Variants in GPATCH2 observed in about 807,000 individuals in gnomAD.
The protein encoded by GPATCH2 is G-patch domain containing 2.
GPATCH2 carries 51 observed loss-of-function variants against 58.0 expected under a neutral mutation model. That is an observed-to-expected ratio of 0.88 (90% confidence interval 0.70 to 1.11). The LOEUF (loss-of-function observed/expected upper bound fraction) is 1.11. Ranked by LOEUF, GPATCH2 falls within the 50% of genes most tolerant of loss-of-function variation. The pLI, the probability that GPATCH2 is intolerant of heterozygous loss-of-function variation, is 0.00. For synonymous variants in GPATCH2, 222 were observed against 218.5 expected (o/e 1.02, Z -0.14); for missense variants, 625 against 652.2 (o/e 0.96, Z 0.45).
In GPATCH2 at chr1:217,524,484, C is replaced by G. The variant is rs556247004; in HGVS notation, c.1099-9595G>C. Among the ~76,000 whole-genome samples, 919 of 151,440 alleles carry G rather than the reference C, an allele frequency of 6.1e-3. 21 individuals carry two copies. Among genetic ancestry groups the G allele is most frequent in the Admixed American group, 0.044 (650 of 14,866 alleles). On this transcript the variant is annotated intron_variant, in intron 5 of 9. Coordinates refer to ENST00000366935, the MANE Select transcript of GPATCH2 (RefSeq NM_018040.5). ...GGCGGCCGGGCAGAGGCTGCAATCT[C>G]GGCTCTTTAGGAGGCCAAGGCAGGC...
chr1:217,484,506 A>C (rs545047069), intron 8 of GPATCH2, among the ~76,000 whole-genome samples: 1 of 150,254 alleles, frequency 6.7e-6, no homozygotes, highest in Non-Finnish European at 1.5e-5. Context: ...CTCTGTCTCT[A>C]TAATTGTGTG....
chr1:217,555,692 A>G (rs1397153355), intron 5 of GPATCH2, among the ~76,000 whole-genome samples: 1 of 152,174 alleles, frequency 6.6e-6, no homozygotes, highest in Non-Finnish European at 1.5e-5. Context: ...AGCTGCAGAG[A>G]ATTAGACACT....
chr1:217,584,364 T>TATATATATATACACAC (rs1226981154), intron 5 of GPATCH2, among the ~76,000 whole-genome samples: 24 of 121,528 alleles, frequency 2.0e-4, no homozygotes, highest in African/African-American at 7.3e-4. Flanking sequence ...TATATATATA[T>TATATATATATACACAC]ACACACACAC....
intron 7 of GPATCH2, chr1:217,495,057 C>A (rs546085383): frequency 1.5e-6 from 1 of 664,958 alleles, no homozygotes; most frequent in African/African-American, 2.0e-5. Flanking sequence ...AACGAAGATA[C>A]AATCCCCTTA....
At chr1:217,524,847 C>CGTGGAAA (rs1553336411) in intron 5 of GPATCH2, among the ~76,000 whole-genome samples, 1 of 18,836 alleles carries the variant, frequency 5.3e-5, no homozygotes, top group South Asian at 3.3e-3. Context: ...AGAGGGAGAC[C>CGTGGAAA]GGGGAGAGGG....
intron 9 of GPATCH2, among the ~76,000 whole-genome samples, chr1:217,432,665 C>T (rs950069081): frequency 4.6e-5 from 7 of 152,016 alleles, no homozygotes; most frequent in Admixed American, 6.6e-5. Context: ...AATCAGAAGT[C>T]TTAATTATCA....
intron 8 of GPATCH2, among the ~76,000 whole-genome samples, chr1:217,466,550 A>G (rs1490411907): frequency 6.6e-6 from 1 of 152,028 alleles, no homozygotes; most frequent in African/African-American, 2.4e-5. Context: ...TAAAAAGTAT[A>G]TAGGAAAAAT....
intron 4 of GPATCH2, 44 bp downstream of exon 4, chr1:217,610,845 G>C: frequency 7.5e-7 from 1 of 1,327,344 alleles, no homozygotes; most frequent in Non-Finnish European, 1.1e-6. Context: ...TTCCTAGACT[G>C]ACCTTAAACC....
At chr1:217,511,921 C>T (rs1044855044) in intron 6 of GPATCH2, among the ~76,000 whole-genome samples, 2 of 152,106 alleles carry the variant, frequency 1.3e-5, no homozygotes, top group African/African-American at 2.4e-5. Context: ...TGTGGCTTCT[C>T]CTTGTCAAGA....
At chr1:217,610,451 TAGA>T (rs754875354) in intron 4 of GPATCH2, 51 bp from the exon 5 acceptor site, 33 of 1,013,560 alleles carry the variant, frequency 3.3e-5, no homozygotes, top group Middle Eastern at 2.6e-4. Flanking sequence ...CACTGAAGCA[TAGA>T]AGAAGAAGAG....
At chr1:217,435,541 T>C (rs1658783419) in intron 9 of GPATCH2, among the ~76,000 whole-genome samples, 1 of 152,202 alleles carries the variant, frequency 6.6e-6, no homozygotes, top group African/African-American at 2.4e-5. Flanking sequence ...CTGCTTCCCA[T>C]AGAACAGCTA....
chr1:217,439,094 A>T (rs191686345), intron 9 of GPATCH2, among the ~76,000 whole-genome samples: 28 of 152,288 alleles, frequency 1.8e-4, no homozygotes, highest in Admixed American at 8.5e-4. Flanking sequence ...AATCGCACTT[A>T]TTCTAAAATT....
chr1:217,472,524 G>A (rs137955596), intron 8 of GPATCH2, among the ~76,000 whole-genome samples: 1,665 of 152,044 alleles, frequency 0.011, 19 homozygotes, highest in Middle Eastern at 0.041. Flanking sequence ...AGATGGTCTC[G>A]ATCTCCTGAC....
rs141857488 is a variant in GPATCH2, at chr1:217,521,790, T to C, written c.1099-6901A>G. ...TTACATCTTTAAACCACAAAGGTTT[T>C]GTTTAAAAAAAAAATAGCCAAAGAT... On this transcript the variant is annotated intron_variant, in intron 5 of 9. Transcript: ENST00000366935. 9.7e-4 allele frequency among the ~76,000 whole-genome samples: 148 copies of C among 152,264 alleles called. 3 individuals are homozygous for C. In the East Asian group the frequency reaches 0.026, roughly 27 times the overall value.
rs955177485 is a variant in GPATCH2 at position 217,529,538 on chromosome 1, T to A, written c.1099-14649A>T. 4.6e-5 allele frequency among the ~76,000 whole-genome samples: 7 copies of A among 152,210 alleles called. No homozygotes were observed. In the East Asian group the frequency reaches 1.3e-3, roughly 29 times the overall value. On this transcript the variant is annotated intron_variant, in intron 5 of 9. Transcript: ENST00000366935. The stretch of plus-strand genomic sequence containing the variant: ...CCCTTTGACCTTCTCCTCCATGTTA[T>A]GAGGCAGAATAAGAGCCCTCACCAG...
intron 5 of GPATCH2, among the ~76,000 whole-genome samples, chr1:217,528,570 G>C (rs927321941): frequency 1.3e-5 from 2 of 152,160 alleles, no homozygotes; most frequent in Admixed American, 1.3e-4. Context: ...TGATCTCCAT[G>C]CCTCTTGCAT....
intron 5 of GPATCH2, among the ~76,000 whole-genome samples, chr1:217,534,201 A>T (rs1375742865): frequency 6.6e-6 from 1 of 152,138 alleles, no homozygotes; most frequent in Non-Finnish European, 1.5e-5. Context: ...GGTCAACAGA[A>T]CGAGACCCTG....
At chr1:217,481,636 T>C (rs1346292064) in intron 8 of GPATCH2, among the ~76,000 whole-genome samples, 1 of 152,108 alleles carries the variant, frequency 6.6e-6, no homozygotes, top group Non-Finnish European at 1.5e-5. Context: ...GGTAAGAAGA[T>C]TCTTTGAGGC....
intron 8 of GPATCH2, among the ~76,000 whole-genome samples, chr1:217,454,643 CAG>C (rs906786570): frequency 3.7e-5 from 5 of 136,964 alleles, no homozygotes; most frequent in Non-Finnish European, 7.8e-5. Context: ...CTTTTTGAGA[CAG>C]AGTCTCACTG....
Sources: allele counts gnomAD v4.1 joint callset (sites outside exome capture counted in the v4.1 genomes callset), GRCh38; gene constraint gnomAD v4.1.1; transcripts MANE v1.5; gene names NCBI Gene and HGNC (gene_info 2026-07-23, HGNC 2026-07-21).